The following PRR16 variants were observed in gnomAD, a reference collection of about 807,000 sequenced individuals.
The protein encoded by PRR16 is proline rich 16.
In PRR16, 6 loss-of-function variants were observed where a neutral mutation model predicts 18.2. That is an observed-to-expected ratio of 0.33 (90% confidence interval 0.18 to 0.65). PRR16 has a LOEUF of 0.65. Ranked by LOEUF, PRR16 falls within the 30% of genes least tolerant of loss-of-function variation. The pLI is 0.74. For missense variants in PRR16, 412 were observed against 376.6 expected (o/e 1.09, Z -0.78); for synonymous variants, 151 against 147.8 (o/e 1.02, Z -0.16).
intron 1 of PRR16, among the ~76,000 whole-genome samples, chr5:120,601,955 T>C (rs1753997983): frequency 6.6e-6 from 1 of 152,132 alleles, no homozygotes; most frequent in South Asian, 2.1e-4. Context: ...CATGCTGTTT[T>C]AGTTACTGTA....
chr5:120,552,086 A>G (rs571488338), intron 1 of PRR16, among the ~76,000 whole-genome samples: 21 of 152,096 alleles, frequency 1.4e-4, no homozygotes, highest in Admixed American at 9.8e-4. Flanking sequence ...TAAAAGTGAC[A>G]TGTATCTTTC....
intron 1 of PRR16, among the ~76,000 whole-genome samples, chr5:120,555,411 G>C (rs532662421): frequency 6.6e-6 from 1 of 152,052 alleles, no homozygotes; most frequent in East Asian, 1.9e-4. Flanking sequence ...GAGCAAGAAA[G>C]TTCCAAGTCA....
intron 1 of PRR16, among the ~76,000 whole-genome samples, chr5:120,576,835 G>A (rs1561554271): frequency 6.6e-6 from 1 of 152,052 alleles, no homozygotes; most frequent in Admixed American, 6.6e-5. Flanking sequence ...TGGGTCTCCA[G>A]CTTGCCACCT....
chr5:120,718,754 G>T, the PRR16 span, among the ~76,000 whole-genome samples: 2 of 152,056 alleles, frequency 1.3e-5, no homozygotes, highest in South Asian at 2.1e-4. Flanking sequence ...TCCTACCAAT[G>T]AGTTATGAGG....
At chr5:120,684,791 C>A (rs1757070487) in intron 1 of PRR16, among the ~76,000 whole-genome samples, 1 of 152,172 alleles carries the variant, frequency 6.6e-6, no homozygotes, top group Non-Finnish European at 1.5e-5. Flanking sequence ...AGTATCCTTG[C>A]CAAAGTCTCC....
the PRR16 span, among the ~76,000 whole-genome samples, chr5:120,695,779 G>A: frequency 1.6e-3 from 247 of 152,228 alleles, 2 homozygotes; most frequent in Non-Finnish European, 1.7e-3. Flanking sequence ...TCTAATTACT[G>A]TTCCTCTGAC....
At chr5:120,725,982 C>A in the PRR16 span, among the ~76,000 whole-genome samples, 2 of 151,896 alleles carry the variant, frequency 1.3e-5, no homozygotes, top group African/African-American at 4.8e-5. Context: ...CGTAGTCATG[C>A]CAATGTTTTG....
intron 1 of PRR16, among the ~76,000 whole-genome samples, chr5:120,523,828 G>T (rs1751265186): frequency 6.6e-6 from 1 of 152,060 alleles, no homozygotes; most frequent in African/African-American, 2.4e-5. Context: ...TACCATAAAA[G>T]ATTTAAGCTC....
chr5:120,757,148 T>G, the PRR16 span, among the ~76,000 whole-genome samples: 3 of 152,042 alleles, frequency 2.0e-5, no homozygotes, highest in Non-Finnish European at 4.4e-5. Flanking sequence ...GCCTTATTTT[T>G]GGGTTCTTTA....
the PRR16 span, among the ~76,000 whole-genome samples, chr5:120,759,077 C>T: frequency 0.045 from 6,646 of 148,494 alleles, 520 homozygotes; most frequent in African/African-American, 0.15. Flanking sequence ...CCCAGGTTCA[C>T]ACCATCCTCC....
chr5:120,585,399 C>G (rs1400698224), intron 1 of PRR16, among the ~76,000 whole-genome samples: 1 of 151,922 alleles, frequency 6.6e-6, no homozygotes, highest in African/African-American at 2.4e-5. Flanking sequence ...CACTTGAGGT[C>G]AGGAGTTCGA....
intron 1 of PRR16, among the ~76,000 whole-genome samples, chr5:120,614,086 A>C (rs73786569): frequency 1.3e-4 from 20 of 152,328 alleles, no homozygotes; most frequent in African/African-American, 4.8e-4. Flanking sequence ...TGATCTCCAG[A>C]TAAATCTGAT....
intron 1 of PRR16, among the ~76,000 whole-genome samples, chr5:120,608,362 A>T (rs1162966410): frequency 6.6e-6 from 1 of 152,166 alleles, no homozygotes; most frequent in Non-Finnish European, 1.5e-5. Flanking sequence ...GATGCCCCTG[A>T]GCTCTTCCTA....
chr5:120,464,427 G>A lies in PRR16; in HGVS notation c.-60G>A, dbSNP rs1187146922. ...GCGGCCGTAGCAGCGCCAGGGACGG[G>A]GGCACGCAGCAGCCTCCGCTCGCCC... On this transcript the variant is annotated 5_prime_UTR_variant, in exon 1 of 2. Transcript: ENST00000407149. 6.7e-7 allele frequency: 1 copy of A among 1,495,032 alleles called. No homozygotes were observed. Among genetic ancestry groups the A allele is most frequent in the Admixed American group, 2.0e-5 (1 of 48,850 alleles). 92.6% of individuals were successfully genotyped at this position (1,495,032 alleles called of 1,614,324 possible).
At chr5:120,523,970 G>T (rs1430694334) in intron 1 of PRR16, among the ~76,000 whole-genome samples, 1 of 152,116 alleles carries the variant, frequency 6.6e-6, no homozygotes, top group East Asian at 1.9e-4. Flanking sequence ...GGGTCAATGT[G>T]GTACTTGGAT....
At position 120,624,016 on chromosome 5, in the gene PRR16, G is replaced by A. The variant is rs527643151; in HGVS notation, c.160-61938G>A. Among the ~76,000 whole-genome samples, 241 of 152,136 alleles carry A rather than the reference G, an allele frequency of 1.6e-3. 1 individual carries two copies. Among genetic ancestry groups the A allele is most frequent in the African/African-American group, 5.7e-3 (237 of 41,518 alleles). On this transcript the variant is annotated intron_variant, in intron 1 of 1. Coordinates refer to ENST00000407149, the MANE Select transcript of PRR16 (RefSeq NM_001300783.2). ...TGCTTAATGTTTGTGTGATTAAAAA[G>A]TTAAAAAATGTTAATATGCATCACT... is the stretch of plus-strand genomic sequence containing the variant.
chr5:120,670,220 C>T (rs1756551247), intron 1 of PRR16, among the ~76,000 whole-genome samples: 1 of 152,010 alleles, frequency 6.6e-6, no homozygotes, highest in Non-Finnish European at 1.5e-5. Flanking sequence ...ACATATAGAA[C>T]ATGTGTATTT....
At chr5:120,670,800 A>G (rs560317245) in intron 1 of PRR16, among the ~76,000 whole-genome samples, 2 of 152,218 alleles carry the variant, frequency 1.3e-5, no homozygotes, top group South Asian at 4.1e-4. Flanking sequence ...GGCTTTAGAG[A>G]TTTTCAGATG....
At chr5:120,584,206 A>G (rs1374494754) in intron 1 of PRR16, among the ~76,000 whole-genome samples, 1 of 152,218 alleles carries the variant, frequency 6.6e-6, no homozygotes, top group Non-Finnish European at 1.5e-5. Flanking sequence ...GGTAAGTAGT[A>G]TCTAGGACAT....
Sources: gnomAD v4.1 joint callset for allele counts (sites outside exome capture counted in the v4.1 genomes callset) on GRCh38, gnomAD v4.1.1 for gene constraint, MANE v1.5 for transcripts, NCBI Gene and HGNC (gene_info 2026-07-23, HGNC 2026-07-21) for gene names.